ME2: variants seen among roughly 807,000 people sequenced by gnomAD.
ME2 encodes NAD-dependent malic enzyme, mitochondrial.
A neutral mutation model predicts 73.7 loss-of-function variants in ME2; 60 were observed. The observed-to-expected ratio is 0.81, with a 90% CI of 0.66 to 1.01. ME2 has a LOEUF of 1.01. Among genes scored for constraint, ME2 ranks in the 50% least tolerant of loss-of-function variants. ME2 has a pLI of 0.00. For missense variants in ME2, 594 were observed against 705.5 expected (o/e 0.84, Z 1.79); for synonymous variants, 199 against 236.9 (o/e 0.84, Z 1.47).
In ME2 at chr18:50,932,250, A is replaced by G. The variant is rs777168842; in HGVS notation, c.1315-8A>G. ...AACAAAATTGAAGTTATTTCATTTT[A>G]TTAACAGGGCAGGTGTTTGTTTGCC... On this transcript the variant is annotated splice_polypyrimidine_tract_variant and splice_region_variant and intron_variant, in intron 12 of 15. Coordinates refer to ENST00000321341, the MANE Select transcript of ME2 (RefSeq NM_002396.5). 6.2e-7 allele frequency: 1 copy of G among 1,602,342 alleles called. No individual in the cohort carries two copies. The highest frequency in any genetic ancestry group is 1.1e-5 in the South Asian group (1 of 88,124).
intron 13 of ME2, chr18:50,933,265 A>G (rs1917740555): frequency 1.3e-5 from 2 of 152,104 alleles, no homozygotes; most frequent in Admixed American, 1.3e-4. Flanking sequence ...GTAAAACAGG[A>G]ATTTTGTATG....
chr18:50,913,129 T>C (rs909497697), intron 4 of ME2, 179 bp downstream of exon 4: 8 of 452,372 alleles, frequency 1.8e-5, no homozygotes, highest in Admixed American at 4.3e-5. Flanking sequence ...AACTTTTATC[T>C]TTGTAAAAAT....
rs1555679814 is a variant in ME2, at chr18:50,950,467, C to CTTTTTTTTTCTTTTTTTTT, written c.*3292_*3293insCTTTTTTTTTTTTTTTTTT. On this transcript the variant is annotated 3_prime_UTR_variant, in exon 16 of 16. Transcript: ENST00000321341. ...GCCTGGGGTGGGGCCTCAGATTCTG[C>CTTTTTTTTTCTTTTTTTTT]TTTTTTTTTTTTTTTTTTTTTTTTT... 6 of 45,086 alleles carry CTTTTTTTTTCTTTTTTTTT rather than the reference C, an allele frequency of 1.3e-4. 1 individual carries two copies. The highest frequency in any genetic ancestry group is 1.8e-3 in the East Asian group (2 of 1,112). 2.8% of individuals were successfully genotyped at this position (45,086 alleles called of 1,614,324 possible). A position where few individuals can be genotyped will look rare whatever the true frequency, so the allele number is the denominator to read the frequency against.
chr18:50,902,703 ATCT>A (rs1916921542), intron 2 of ME2, among the ~76,000 whole-genome samples: 1 of 152,174 alleles, frequency 6.6e-6, no homozygotes, highest in Non-Finnish European at 1.5e-5. Flanking sequence ...GGCCTCTATC[ATCT>A]ATTTTTATTT....
In ME2 at chr18:50,916,160, T is replaced by C. The variant is rs367707666; in HGVS notation, c.393-8T>C. The stretch of plus-strand genomic sequence containing the variant: ...GTGAAATGCAAAGGTGTTTTTGTTC[T>C]GTTGCAGGGGATTATTTATTTCGAT... On this transcript the variant is annotated splice_polypyrimidine_tract_variant and splice_region_variant and intron_variant, in intron 4 of 15. Transcript: ENST00000321341. The C allele has an allele frequency of 3.1e-6, 5 of 1,598,178 alleles. No individual in the cohort carries two copies. The African/African-American group carries it at 5.4e-5, about 17-fold the overall frequency.
At position 50,952,680 on chromosome 18, in the gene ME2, T is replaced by C. The variant is rs544453422; in HGVS notation, c.*5496T>C. ...CTTGTGGGTATATATTCAGTGGTTT[T>C]CAGGATTTTCTTTTATGTTCTAGAA... On this transcript the variant is annotated 3_prime_UTR_variant, in exon 16 of 16. Coordinates refer to ENST00000321341, the MANE Select transcript of ME2 (RefSeq NM_002396.5). 12 of 152,332 alleles carry C rather than the reference T, an allele frequency of 7.9e-5. 1 individual carries two copies. The highest frequency in any genetic ancestry group is 7.8e-4 in the Admixed American group (12 of 15,294). 9.4% of individuals were successfully genotyped at this position (152,332 alleles called of 1,614,324 possible). A position where few individuals can be genotyped will look rare whatever the true frequency, so the allele number is the denominator to read the frequency against.
In ME2 at chr18:50,908,055, C is replaced by T; in HGVS notation, c.109-8C>T. On this transcript the variant is annotated splice_polypyrimidine_tract_variant and splice_region_variant and intron_variant, in intron 2 of 15. Coordinates refer to ENST00000321341, the MANE Select transcript of ME2 (RefSeq NM_002396.5). ...ATAATTTTTAATCCTTTTATTTCTCCTCTTTAGGGAATGGCATTTACTTTA... is the reference window on the plus strand; with the variant it reads ...ATAATTTTTAATCCTTTTATTTCTCTTCTTTAGGGAATGGCATTTACTTTA... The T allele has an allele frequency of 6.5e-7, 1 of 1,534,650 alleles. No homozygotes were observed. Among genetic ancestry groups the T allele is most frequent in the South Asian group, 1.3e-5 (1 of 79,372 alleles).
chr18:50,881,834 T>C (rs141290499), intron 1 of ME2, among the ~76,000 whole-genome samples: 61 of 152,318 alleles, frequency 4.0e-4, no homozygotes, highest in African/African-American at 1.3e-3. Context: ...CTAGAGGGCA[T>C]TGTGATAAGC....
At chr18:50,917,565 AATATTCC>A in intron 6 of ME2, 57 bp downstream of exon 6, 1 of 1,236,936 alleles carries the variant, frequency 8.1e-7, no homozygotes. Context: ...AAATGTGTAC[AATATTCC>A]TTTTTTGAAA....
rs1918256185 is a variant in ME2, at chr18:50,953,099, T to A, written c.*5915T>A. ...TGAGAATTCTCACTTATTCTTTTTTTTTTTTTTTTTTCTTTTCTTTGAGAC... is the reference window on the plus strand; with the variant it reads ...TGAGAATTCTCACTTATTCTTTTTTATTTTTTTTTTTCTTTTCTTTGAGAC... On this transcript the variant is annotated 3_prime_UTR_variant, in exon 16 of 16. Transcript: ENST00000321341. 6.6e-6 allele frequency: 1 copy of A among 151,400 alleles called. No individual in the cohort carries two copies. The highest frequency in any genetic ancestry group is 2.1e-4 in the South Asian group (1 of 4,794). The allele number at this position is 151,400 out of a possible 1,614,324, so 9.4% of individuals were successfully genotyped here. A position where few individuals can be genotyped will look rare whatever the true frequency, so the allele number is the denominator to read the frequency against.
chr18:50,929,170 T>TG, intron 12 of ME2, among the ~76,000 whole-genome samples: 1 of 151,884 alleles, frequency 6.6e-6, no homozygotes, highest in East Asian at 1.9e-4. Context: ...TCTTTTTTTT[T>TG]TTTTTCCCAT....
intron 2 of ME2, among the ~76,000 whole-genome samples, chr18:50,905,271 C>T (rs1169523437): frequency 6.6e-6 from 1 of 152,198 alleles, no homozygotes; most frequent in African/African-American, 2.4e-5. Flanking sequence ...AGGCGTGAGC[C>T]ACCGCACCTG....
intron 1 of ME2, among the ~76,000 whole-genome samples, chr18:50,894,083 T>C (rs576133685): frequency 5.9e-5 from 9 of 152,332 alleles, no homozygotes; most frequent in African/African-American, 1.9e-4. Flanking sequence ...AGGCTTACCA[T>C]CCATACATGG....
chr18:50,947,658 T>C lies in ME2; in HGVS notation c.*474T>C, dbSNP rs1918118510. The C allele has an allele frequency of 6.5e-6, 1 of 152,810 alleles. No individual in the cohort carries two copies. The highest frequency in any genetic ancestry group is 6.5e-5 in the Admixed American group (1 of 15,354). 9.5% of individuals were successfully genotyped at this position (152,810 alleles called of 1,614,324 possible). A position where few individuals can be genotyped will look rare whatever the true frequency, so the allele number is the denominator to read the frequency against. ...AATTGTCATTATCTAAAAATGTTCT[T>C]ATATATCTGCTTCATCTTACCTTCA... On this transcript the variant is annotated 3_prime_UTR_variant, in exon 16 of 16. Transcript: ENST00000321341.
intron 13 of ME2, chr18:50,939,148 AAAAG>A (rs1917885500): frequency 6.6e-6 from 1 of 152,308 alleles, no homozygotes. Flanking sequence ...AAGAAAAAAA[AAAAG>A]AGAGAGAGAG....
At chr18:50,920,431 C>G (rs1214612631) in intron 7 of ME2, 25 bp from the exon 8 acceptor site, 1 of 1,452,748 alleles carries the variant, frequency 6.9e-7, no homozygotes, top group African/African-American at 1.4e-5. Context: ...TTCAACACAA[C>G]TATTGTGGGT....
intron 13 of ME2, chr18:50,935,249 A>G (rs1917788715): frequency 6.6e-6 from 1 of 152,178 alleles, no homozygotes; most frequent in South Asian, 2.1e-4. Flanking sequence ...ATAAAAAAAA[A>G]GATAATGAGG....
chr18:50,909,041 C>T (rs947301046), intron 3 of ME2, among the ~76,000 whole-genome samples: 1 of 151,792 alleles, frequency 6.6e-6, no homozygotes, highest in Non-Finnish European at 1.5e-5. Context: ...GCAACCTCTG[C>T]CTCCCGGGCT....
At chr18:50,892,374 T>TA (rs1439578950) in intron 1 of ME2, among the ~76,000 whole-genome samples, 2 of 152,152 alleles carry the variant, frequency 1.3e-5, no homozygotes, top group South Asian at 2.1e-4. Flanking sequence ...ATCTTGTCTC[T>TA]AAAAAAATAA....
Sources: gnomAD v4.1 joint callset for allele counts (sites outside exome capture counted in the v4.1 genomes callset) on GRCh38, gnomAD v4.1.1 for gene constraint, MANE v1.5 for transcripts, NCBI Gene and HGNC (gene_info 2026-07-23, HGNC 2026-07-21) for gene names.